DCC: variants seen among roughly 807,000 people sequenced by gnomAD.
DCC encodes netrin receptor DCC.
Under a neutral mutation model 172.5 loss-of-function variants are expected in DCC, and 58 were observed. The ratio of observed to expected loss-of-function variants is 0.34; its 90% CI spans 0.27 to 0.42. The LOEUF is 0.42. Among genes scored for constraint, DCC ranks in the 10% least tolerant of loss-of-function variants. DCC has a pLI of 1.00. For missense variants in DCC, 1,740 were observed against 1,791.0 expected, an observed-to-expected ratio of 0.97 and a Z score of 0.51; for synonymous variants, 709 against 644.5, an observed-to-expected ratio of 1.10 and a Z score of -1.52.
At chr18:52,886,631 G>A (rs939158819) in intron 2 of DCC, among the ~76,000 whole-genome samples, 1 of 152,152 alleles carries the variant, frequency 6.6e-6, no homozygotes, top group African/African-American at 2.4e-5. Context: ...GAGGAGGGGG[G>A]TCAGACAAAA....
intron 1 of DCC, among the ~76,000 whole-genome samples, chr18:52,673,528 G>GT (rs1568034208): frequency 6.6e-6 from 1 of 152,086 alleles, no homozygotes; most frequent in Admixed American, 6.6e-5. Flanking sequence ...CATGATAGTC[G>GT]CATGGTTTGT....
chr18:53,017,423 T>C (rs1427276554), intron 5 of DCC, among the ~76,000 whole-genome samples: 2 of 152,190 alleles, frequency 1.3e-5, no homozygotes, highest in Non-Finnish European at 2.9e-5. Flanking sequence ...AAGTGGGTTA[T>C]TTTTAGTGGT....
At chr18:52,522,898 G>A (rs888152324) in intron 1 of DCC, among the ~76,000 whole-genome samples, 59 of 152,316 alleles carry the variant, frequency 3.9e-4, no homozygotes, top group African/African-American at 1.3e-3. Flanking sequence ...TTGCAGATCT[G>A]TAAGAGTGGT....
intron 12 of DCC, among the ~76,000 whole-genome samples, chr18:53,291,741 T>C (rs541144130): frequency 3.3e-5 from 5 of 152,214 alleles, no homozygotes; most frequent in Non-Finnish European, 5.9e-5. Flanking sequence ...GACCTAGTGA[T>C]CTGAAAGAGT....
At chr18:53,303,092 T>A (rs2057159666) in intron 12 of DCC, among the ~76,000 whole-genome samples, 1 of 152,196 alleles carries the variant, frequency 6.6e-6, no homozygotes, top group Non-Finnish European at 1.5e-5. Context: ...TGCTTTTTTA[T>A]TCTCTCCTCA....
chr18:52,885,088 A>G (rs2039549738), intron 2 of DCC, among the ~76,000 whole-genome samples: 1 of 152,124 alleles, frequency 6.6e-6, no homozygotes, highest in East Asian at 1.9e-4. Context: ...CACCACTAGG[A>G]ATGTGCTGGT....
intron 7 of DCC, among the ~76,000 whole-genome samples, chr18:53,085,071 A>G (rs923891637): frequency 2.0e-5 from 3 of 152,192 alleles, no homozygotes; most frequent in South Asian, 2.1e-4. Context: ...AGCCAAGCCT[A>G]TTATCCAGGT....
intron 12 of DCC, among the ~76,000 whole-genome samples, chr18:53,295,666 A>G (rs1175090540): frequency 1.3e-5 from 2 of 152,310 alleles, no homozygotes; most frequent in East Asian, 3.9e-4. Context: ...GAATGAATCC[A>G]TATGGGTAAT....
chr18:53,465,043 T>C (rs1599180216), intron 24 of DCC, among the ~76,000 whole-genome samples: 4 of 151,396 alleles, frequency 2.6e-5, no homozygotes, highest in Admixed American at 2.0e-4. Context: ...GATCTAGAGT[T>C]ACTTTTTTGG....
chr18:52,441,969 ACCATAGTCATCCATC>A (rs1479822298), intron 1 of DCC, among the ~76,000 whole-genome samples: 1 of 152,148 alleles, frequency 6.6e-6, no homozygotes, highest in Middle Eastern at 3.2e-3. Flanking sequence ...TGCACCATAA[ACCATAGTCATCCATC>A]ATAGAGAAGT....
intron 16 of DCC, among the ~76,000 whole-genome samples, chr18:53,386,757 A>C (rs1317162080): frequency 1.3e-5 from 2 of 152,202 alleles, no homozygotes; most frequent in African/African-American, 4.8e-5. Flanking sequence ...CTGTAAAGGC[A>C]GTACATAAGA....
chr18:53,276,593 G>C (rs1196934280), intron 12 of DCC, among the ~76,000 whole-genome samples: 1 of 152,106 alleles, frequency 6.6e-6, no homozygotes, highest in Non-Finnish European at 1.5e-5. Flanking sequence ...ATTTATTAAT[G>C]TGACTTGAGA....
At chr18:52,445,236 C>G (rs369667588) in intron 1 of DCC, among the ~76,000 whole-genome samples, 5 of 152,132 alleles carry the variant, frequency 3.3e-5, no homozygotes, top group African/African-American at 4.8e-5. Context: ...CTCCATTCAA[C>G]ATAAAAGTAA....
intron 1 of DCC, among the ~76,000 whole-genome samples, chr18:52,495,399 C>T (rs1461695581): frequency 1.3e-5 from 2 of 152,080 alleles, no homozygotes; most frequent in African/African-American, 4.8e-5. Context: ...TTCTTAAGTT[C>T]ATTTCATGCA....
At chr18:52,756,955 T>A (rs2037085701) in intron 2 of DCC, 1 of 152,174 alleles carries the variant, frequency 6.6e-6, no homozygotes, top group African/African-American at 2.4e-5. Context: ...TGCAAAATAT[T>A]TTTTTTCAGG....
chr18:52,910,138 A>T (rs1039017464), intron 3 of DCC, among the ~76,000 whole-genome samples: 1 of 152,102 alleles, frequency 6.6e-6, no homozygotes, highest in Non-Finnish European at 1.5e-5. Context: ...AGCAGCTACT[A>T]AGGCAACATC....
chr18:53,146,649 C>G (rs976791949), intron 7 of DCC, among the ~76,000 whole-genome samples: 1 of 152,134 alleles, frequency 6.6e-6, no homozygotes, highest in East Asian at 1.9e-4. Flanking sequence ...TTCTATAATT[C>G]TTTTTACTTT....
At chr18:52,662,746 G>A (rs1157419294) in intron 1 of DCC, among the ~76,000 whole-genome samples, 1 of 152,310 alleles carries the variant, frequency 6.6e-6, no homozygotes, top group Admixed American at 6.5e-5. Flanking sequence ...GTCCATTTTG[G>A]CTGCTATAAC....
intron 1 of DCC, among the ~76,000 whole-genome samples, chr18:52,453,548 G>C (rs905429813): frequency 6.6e-6 from 1 of 152,144 alleles, no homozygotes; most frequent in Admixed American, 6.6e-5. Flanking sequence ...AATTAAGCAT[G>C]CATTTCTGCA....
Sources: allele counts gnomAD v4.1 joint callset (sites outside exome capture counted in the v4.1 genomes callset), GRCh38; gene constraint gnomAD v4.1.1; transcripts MANE v1.5; gene names NCBI Gene and HGNC (gene_info 2026-07-23, HGNC 2026-07-21).